The following AGR3 variants were observed in gnomAD, a reference collection of about 807,000 sequenced individuals.
AGR3 encodes anterior gradient 3, protein disulphide isomerase family member.
Under a neutral mutation model 24.5 loss-of-function variants are expected in AGR3, and 37 were observed. That is an observed-to-expected ratio of 1.51 (90% CI 1.16 to 1.99). AGR3 has a LOEUF of 1.99. Ranked by LOEUF, AGR3 falls within the 30% of genes most tolerant of loss-of-function variation. The pLI is 0.00. For missense variants in AGR3, 228 were observed against 191.1 expected (o/e 1.19, Z -1.14); for synonymous variants, 75 against 61.6 (o/e 1.22, Z -1.02).
intron 3 of AGR3, among the ~76,000 whole-genome samples, chr7:16,868,787 G>A (rs1356480837): frequency 6.6e-6 from 1 of 152,200 alleles, no homozygotes; most frequent in African/African-American, 2.4e-5. Flanking sequence ...TAAGTGGATT[G>A]TGAGCATCAA....
downstream of AGR3, among the ~76,000 whole-genome samples, chr7:16,856,255 A>G (rs1340382556): frequency 1.3e-5 from 2 of 152,248 alleles, no homozygotes; most frequent in East Asian, 3.8e-4. Flanking sequence ...ATTAAATGCT[A>G]GAAAATAATT....
At chr7:16,870,791 A>C (rs1364088035) in intron 3 of AGR3, among the ~76,000 whole-genome samples, 1 of 152,062 alleles carries the variant, frequency 6.6e-6, no homozygotes, top group African/African-American at 2.4e-5. Flanking sequence ...GGTGCTCCTT[A>C]CTAATATGTT....
downstream of AGR3, among the ~76,000 whole-genome samples, chr7:16,855,064 G>T (rs12668830): frequency 0.4 from 61,091 of 151,862 alleles, 12,929 homozygotes; most frequent in East Asian, 0.62. Flanking sequence ...CACATATAAT[G>T]TATAGTGATT....
chr7:16,873,702 C>G (rs1285756418), intron 3 of AGR3, 78 bp downstream of exon 3: 6 of 1,131,596 alleles, frequency 5.3e-6, no homozygotes, highest in Non-Finnish European at 7.9e-6. Context: ...GCATATCACT[C>G]TATATTCCAT....
In AGR3 at chr7:16,862,624, C is replaced by T. The variant is rs575516329; in HGVS notation, c.212G>A (p.Cys71Tyr). The T allele has an allele frequency of 2.0e-6, 3 of 1,535,252 alleles. No individual in the cohort carries two copies. Among genetic ancestry groups the T allele is most frequent in the South Asian group, 2.6e-5 (2 of 76,422 alleles). ...PLMVIHHLED[C>Y]QYSQALKKVF... ...GCTAAAATTACCTTGAGAGTATTGA[C>T]AATCCTCCAGGTGATGAATAACCAT... Residue 71 changes from cysteine (C) to tyrosine (Y), a missense_variant, in exon 4 of 8, where the codon TGT becomes TAT. Transcript: ENST00000310398.
chr7:16,871,469 C>G (rs1781862357), intron 3 of AGR3, among the ~76,000 whole-genome samples: 1 of 152,026 alleles, frequency 6.6e-6, no homozygotes, highest in Non-Finnish European at 1.5e-5. Context: ...ACAAAATCAA[C>G]ATGCAAAACC....
chr7:16,860,416 C>A, intron 7 of AGR3, 84 bp downstream of exon 7: 1 of 1,004,108 alleles, frequency 1.0e-6, no homozygotes, highest in Non-Finnish European at 1.6e-6. Context: ...TGTGTAGAAG[C>A]ACTGATGTAG....
chr7:16,861,780 A>C (rs1228479462), intron 5 of AGR3, among the ~76,000 whole-genome samples: 1 of 151,940 alleles, frequency 6.6e-6, no homozygotes, highest in Non-Finnish European at 1.5e-5. Context: ...AGGTGCCTGT[A>C]GTCCCAGCTA....
chr7:16,855,833 C>T (rs1329154120), downstream of AGR3, among the ~76,000 whole-genome samples: 1 of 152,100 alleles, frequency 6.6e-6, no homozygotes, highest in African/African-American at 2.4e-5. Context: ...GAGGCTTGGC[C>T]TACTCTTATT....
chr7:16,869,840 T>A (rs1393130366), intron 3 of AGR3, among the ~76,000 whole-genome samples: 1 of 151,908 alleles, frequency 6.6e-6, no homozygotes, highest in Non-Finnish European at 1.5e-5. Flanking sequence ...TGTTTATTAT[T>A]GCTTTGTAAA....
rs1192199515 is a variant in AGR3 at position 16,881,926 on chromosome 7, G to A, written c.-28+18C>T. 4 of 470,866 alleles carry A rather than the reference G, an allele frequency of 8.5e-6. No individual in the cohort carries two copies. The highest frequency in any genetic ancestry group is 2.3e-5 in the Admixed American group (1 of 42,556). The allele number at this position is 470,866 out of a possible 1,614,324, so 29.2% of individuals were successfully genotyped here. A position where few individuals can be genotyped will look rare whatever the true frequency, so the allele number is the denominator to read the frequency against. On this transcript the variant is annotated intron_variant, in intron 1 of 7. Transcript: ENST00000310398. The stretch of plus-strand genomic sequence containing the variant: ...GCTTGACCACTGATTAAGTAATCTG[G>A]AAAATTTGCTTGCTTACCTGACTTG...
At chr7:16,881,747 A>G (rs749572772) in intron 1 of AGR3, among the ~76,000 whole-genome samples, 197 bp downstream of exon 1, 1 of 152,222 alleles carries the variant, frequency 6.6e-6, no homozygotes, top group Non-Finnish European at 1.5e-5. Flanking sequence ...AATTTATTCT[A>G]ATACCATTAA....
At chr7:16,860,475 T>C in intron 7 of AGR3, 25 bp downstream of exon 7, 2 of 1,558,724 alleles carry the variant, frequency 1.3e-6, no homozygotes, top group Non-Finnish European at 1.8e-6. Flanking sequence ...ATGACCACTG[T>C]TTGAGATCAT....
At chr7:16,859,246 A>T (rs62444694), downstream of AGR3, among the ~76,000 whole-genome samples, 8 of 151,548 alleles carry the variant, frequency 5.3e-5, no homozygotes, top group African/African-American at 1.9e-4. Context: ...AAAAAAATTT[A>T]GAAAATTAAA....
chr7:16,876,419 CTATG>C (rs773803607), intron 2 of AGR3, among the ~76,000 whole-genome samples: 9 of 152,048 alleles, frequency 5.9e-5, no homozygotes, highest in Non-Finnish European at 1.3e-4. Flanking sequence ...TTGGATCATT[CTATG>C]TGTGTGTATT....
At chr7:16,878,766 A>G (rs1275841697) in intron 1 of AGR3, 121 bp from the exon 2 acceptor site, 6 of 646,676 alleles carry the variant, frequency 9.3e-6, no homozygotes, top group South Asian at 2.0e-5. Flanking sequence ...TTGGTTTGAC[A>G]TGGTATAACC....
chr7:16,864,097 C>T (rs1000005630), intron 3 of AGR3, among the ~76,000 whole-genome samples: 1 of 152,174 alleles, frequency 6.6e-6, no homozygotes, highest in African/African-American at 2.4e-5. Flanking sequence ...CTTCTATTTA[C>T]TTCAAGGTGA....
At chr7:16,881,439 A>G (rs566690655) in intron 1 of AGR3, among the ~76,000 whole-genome samples, 129 of 152,320 alleles carry the variant, frequency 8.5e-4, no homozygotes, top group Non-Finnish European at 1.5e-3. Context: ...CTTTAGTATC[A>G]GTTGCAAGGT....
chr7:16,861,884 G>A, intron 5 of AGR3, 100 bp downstream of exon 5: 1 of 1,074,434 alleles, frequency 9.3e-7, no homozygotes, highest in Admixed American at 2.7e-5. Flanking sequence ...CTGGGTGACA[G>A]AGCGAGACTC....
Sources: allele counts gnomAD v4.1 joint callset (sites outside exome capture counted in the v4.1 genomes callset), GRCh38; gene constraint gnomAD v4.1.1; transcripts MANE v1.5; gene names NCBI Gene and HGNC (gene_info 2026-07-23, HGNC 2026-07-21).